Variants in ARF4 observed in about 807,000 individuals in gnomAD.
The protein encoded by ARF4 is ARF GTPase 4.
ARF4 carries 5 observed loss-of-function variants against 24.3 expected under a neutral mutation model. That is an observed-to-expected ratio of 0.21 (90% CI 0.11 to 0.43). ARF4 has a LOEUF of 0.43. ARF4 is among the 20% of genes least tolerant of loss of function. The pLI, the probability that ARF4 is intolerant of heterozygous loss-of-function variation, is 1.00. For missense variants in ARF4, 107 were observed against 213.0 expected (o/e 0.50, Z 3.10); for synonymous variants, 62 against 73.5 (o/e 0.84, Z 0.80).
intron 3 of ARF4, among the ~76,000 whole-genome samples, chr3:57,582,362 C>T (rs1254707179): frequency 1.3e-5 from 2 of 151,980 alleles, no homozygotes; most frequent in Non-Finnish European, 2.9e-5. Flanking sequence ...CCTGCCTCAG[C>T]CTCCTGAGTA....
Position 57,577,375 on chromosome 3 carries a change from CA to C in ARF4, c.270del (p.Phe90LeufsTer3), listed in dbSNP as rs35799788. The C allele has an allele frequency of 6.2e-7, 1 of 1,609,928 alleles. No individual in the cohort carries two copies. Among genetic ancestry groups the C allele is most frequent in the Non-Finnish European group, 8.5e-7 (1 of 1,178,294 alleles). On this transcript the variant is annotated frameshift_variant, in exon 4 of 6. Transcript: ENST00000303436. LOFTEE classifies it high-confidence loss of function. ...CTTTCACGATCGTTGCTATCTACCA[CA>C]AAAATAAGACCCTGGGGAAAAATTG... ...HYFQNTQGLI[F>X]VVDSNDRERI...
Position 57,597,187 on chromosome 3 carries a change from C to A in ARF4, c.-47G>T, listed in dbSNP as rs778674871. On this transcript the variant is annotated 5_prime_UTR_variant, in exon 1 of 6. Transcript: ENST00000303436. ...GGGCAGAAGCAGAAGGGGTTTGGGG[C>A]GACCCCGTGCTTTCTCCTTTCAAGC... The A allele has an allele frequency of 5.2e-6, 8 of 1,553,310 alleles. No individual in the cohort carries two copies. Among genetic ancestry groups the A allele is most frequent in the Admixed American group, 1.7e-5 (1 of 58,210 alleles).
intron 5 of ARF4, among the ~76,000 whole-genome samples, chr3:57,572,750 T>C (rs991677825): frequency 6.6e-6 from 1 of 152,216 alleles, no homozygotes; most frequent in Admixed American, 6.5e-5. Flanking sequence ...TTCTTTTCAG[T>C]GCTGGTTTTT....
rs376622976 is a variant in ARF4, at chr3:57,580,322, T to G, written c.259-2935A>C. Among the ~76,000 whole-genome samples, 5 of 152,190 alleles carry G rather than the reference T, an allele frequency of 3.3e-5. No homozygotes were observed. The East Asian group carries it at 7.7e-4, about 23-fold the overall frequency. On this transcript the variant is annotated intron_variant, in intron 3 of 5. Coordinates refer to ENST00000303436, the MANE Select transcript of ARF4 (RefSeq NM_001660.4). Reference sequence around the variant, plus strand: ...ATTGTTCTTGGCTTATCATGGGCATTTATTTAGCAAATATGTCTCCTCCTT... The same window carrying G: ...ATTGTTCTTGGCTTATCATGGGCATGTATTTAGCAAATATGTCTCCTCCTT...
In ARF4 at chr3:57,583,893, C is replaced by T; in HGVS notation, c.258+5G>A. 1 of 1,572,700 alleles carries T rather than the reference C, an allele frequency of 6.4e-7. No individual in the cohort carries two copies. Among genetic ancestry groups the T allele is most frequent in the Non-Finnish European group, 8.7e-7 (1 of 1,146,074 alleles). Reference sequence around the variant, plus strand: ...AAAGTTATAAAAACATACAGTATCCCTTACCTGGGTATTCTGGAAGTAATG... The same window carrying T: ...AAAGTTATAAAAACATACAGTATCCTTTACCTGGGTATTCTGGAAGTAATG... On this transcript the variant is annotated splice_donor_5th_base_variant and intron_variant, in intron 3 of 5. Coordinates refer to ENST00000303436, the MANE Select transcript of ARF4 (RefSeq NM_001660.4).
chr3:57,579,503 G>C (rs1156307919), intron 3 of ARF4, among the ~76,000 whole-genome samples: 22 of 151,908 alleles, frequency 1.4e-4, no homozygotes, highest in African/African-American at 5.1e-4. Flanking sequence ...GGCCAGGTTA[G>C]TCTTGAACTC....
chr3:57,572,057 T>C lies in ARF4; in HGVS notation c.*155A>G, dbSNP rs2069848170. The C allele has an allele frequency of 3.3e-6, 2 of 600,350 alleles. No homozygotes were observed. The highest frequency in any genetic ancestry group is 5.9e-6 in the Non-Finnish European group (2 of 337,022). The allele number at this position is 600,350 out of a possible 1,614,324, so 37.2% of individuals were successfully genotyped here. A position where few individuals can be genotyped will look rare whatever the true frequency, so the allele number is the denominator to read the frequency against. ...AGCACATTGCTAAATAGCAACATTA[T>C]ACTCGGTAAACAATAATTGGCAACA... On this transcript the variant is annotated 3_prime_UTR_variant, in exon 6 of 6. Transcript: ENST00000303436.
At chr3:57,585,096 T>A (rs1428029746) in intron 1 of ARF4, among the ~76,000 whole-genome samples, 2 of 152,154 alleles carry the variant, frequency 1.3e-5, no homozygotes, top group Non-Finnish European at 2.9e-5. Context: ...ACTCCTGGCC[T>A]CAAGTGATCT....
rs1378561310 is a variant in ARF4 at position 57,573,350 on chromosome 3, G to C, written c.457-1052C>G. Among the ~76,000 whole-genome samples the C allele has an allele frequency of 2.0e-5, 3 of 152,206 alleles. No individual in the cohort carries two copies. The South Asian group carries it at 6.2e-4, about 32-fold the overall frequency. ...CGAATCTTATCTCTAGTAACTGTGTGAAAGTATCAAAAAAAACCTAGAAAA... is the reference window on the plus strand; with the variant it reads ...CGAATCTTATCTCTAGTAACTGTGTCAAAGTATCAAAAAAAACCTAGAAAA... On this transcript the variant is annotated intron_variant, in intron 5 of 5. Coordinates refer to ENST00000303436, the MANE Select transcript of ARF4 (RefSeq NM_001660.4).
rs1458457966 is a variant in ARF4 at position 57,597,322 on chromosome 3, G to A, written c.-182C>T. Reference sequence around the variant, plus strand: ...TGAAGATCCGGCACAGGAATAAGCCGGTAGAGGACCTGCTAGGCGACTGGC... The same window carrying A: ...TGAAGATCCGGCACAGGAATAAGCCAGTAGAGGACCTGCTAGGCGACTGGC... On this transcript the variant is annotated 5_prime_UTR_variant, in exon 1 of 6. Coordinates refer to ENST00000303436, the MANE Select transcript of ARF4 (RefSeq NM_001660.4). 8 of 568,734 alleles carry A rather than the reference G, an allele frequency of 1.4e-5. No homozygotes were observed. Among genetic ancestry groups the A allele is most frequent in the African/African-American group, 1.4e-4 (7 of 51,822 alleles). 35.2% of individuals were successfully genotyped at this position (568,734 alleles called of 1,614,324 possible).
At chr3:57,590,929 T>C (rs1049583348) in intron 1 of ARF4, among the ~76,000 whole-genome samples, 6 of 152,218 alleles carry the variant, frequency 3.9e-5, no homozygotes, top group Non-Finnish European at 5.9e-5. Flanking sequence ...TAATTTAAAA[T>C]TGAATATTTA....
chr3:57,577,104 T>C lies in ARF4; in HGVS notation c.330+212A>G, dbSNP rs57375045. On this transcript the variant is annotated intron_variant, in intron 4 of 5. Coordinates refer to ENST00000303436, the MANE Select transcript of ARF4 (RefSeq NM_001660.4). ...CTGCCTTCCTCCCAACTTACTGAAG[T>C]AGCTACTCTTCCATGTGTTTTTTAA... is the stretch of plus-strand genomic sequence containing the variant. Among the ~76,000 whole-genome samples the C allele has an allele frequency of 4.3e-3, 647 of 151,924 alleles. 3 individuals carry two copies. Among genetic ancestry groups the C allele is most frequent in the African/African-American group, 0.015 (611 of 41,454 alleles).
intron 3 of ARF4, among the ~76,000 whole-genome samples, chr3:57,578,982 T>C (rs1372736894): frequency 1.3e-5 from 2 of 152,032 alleles, no homozygotes; most frequent in Non-Finnish European, 2.9e-5. Flanking sequence ...TTATAACAGA[T>C]TGTCTTGCAC....
intron 3 of ARF4, among the ~76,000 whole-genome samples, chr3:57,582,375 T>G (rs1247115672): frequency 1.3e-5 from 2 of 151,926 alleles, no homozygotes; most frequent in Non-Finnish European, 2.9e-5. Flanking sequence ...CCTGAGTAGC[T>G]GGGATCACAG....
At chr3:57,584,101 ACTT>A (rs2153408970) in intron 2 of ARF4, 94 bp from the exon 3 acceptor site, 3 of 866,918 alleles carry the variant, frequency 3.5e-6, no homozygotes, top group East Asian at 5.3e-5. Flanking sequence ...TTTTTAAAGT[ACTT>A]CTTTTTATTT....
chr3:57,597,305 C>T lies in ARF4; in HGVS notation c.-165G>A. 1 of 636,510 alleles carries T rather than the reference C, an allele frequency of 1.6e-6. No homozygotes were observed. The highest frequency in any genetic ancestry group is 3.0e-5 in the East Asian group (1 of 33,380). 39.4% of individuals were successfully genotyped at this position (636,510 alleles called of 1,614,324 possible). A position where few individuals can be genotyped will look rare whatever the true frequency, so the allele number is the denominator to read the frequency against. ...AGTGGCCCCTGTGCCGATGAAGATC[C>T]GGCACAGGAATAAGCCGGTAGAGGA... On this transcript the variant is annotated 5_prime_UTR_variant, in exon 1 of 6. Transcript: ENST00000303436.
chr3:57,596,896 C>CGG (rs1442751424), intron 1 of ARF4, 178 bp downstream of exon 1: 1 of 621,900 alleles, frequency 1.6e-6, no homozygotes. Context: ...AGATCGGGGG[C>CGG]GGGGGGGATC....
chr3:57,584,845 C>T (rs1440626880), intron 1 of ARF4, among the ~76,000 whole-genome samples: 2 of 151,554 alleles, frequency 1.3e-5, no homozygotes, highest in Admixed American at 6.6e-5. Context: ...TATGAACTAC[C>T]AGCATTTTTT....
chr3:57,595,533 C>T (rs961464540), intron 1 of ARF4, among the ~76,000 whole-genome samples: 1 of 152,160 alleles, frequency 6.6e-6, no homozygotes, highest in African/African-American at 2.4e-5. Context: ...AATTGATTCA[C>T]AAAGTGTAAG....
Sources: gnomAD v4.1 joint callset for allele counts (sites outside exome capture counted in the v4.1 genomes callset) on GRCh38, gnomAD v4.1.1 for gene constraint, MANE v1.5 for transcripts, NCBI Gene and HGNC (gene_info 2026-07-23, HGNC 2026-07-21) for gene names.